Variants in SVIL observed in about 807,000 individuals in gnomAD.
The protein encoded by SVIL is supervillin.
Under a neutral mutation model 240.4 loss-of-function variants are expected in SVIL, and 101 were observed. That is an observed-to-expected ratio of 0.42 (90% CI 0.36 to 0.50). The LOEUF (loss-of-function observed/expected upper bound fraction) is 0.50, where lower values mean the gene tolerates loss of function less well. Ranked by LOEUF, SVIL falls within the 20% of genes least tolerant of loss-of-function variation. SVIL has a pLI of 0.01. For missense variants in SVIL, 2,512 were observed against 2,818.7 expected (o/e 0.89, Z 2.46); for synonymous variants, 999 against 1,100.0 (o/e 0.91, Z 1.82).
intron 1 of SVIL, among the ~76,000 whole-genome samples, chr10:29,714,395 G>A (rs932891780): frequency 6.6e-6 from 1 of 152,186 alleles, no homozygotes; most frequent in African/African-American, 2.4e-5. Context: ...GAGGTGAACT[G>A]ATTGGACACA....
chr10:29,533,886 A>G (rs1406479548), intron 7 of SVIL, among the ~76,000 whole-genome samples: 1 of 152,238 alleles, frequency 6.6e-6, no homozygotes, highest in Admixed American at 6.5e-5. Flanking sequence ...CCTGGCATAC[A>G]GACACCTATT....
At position 29,554,897 on chromosome 10, in the gene SVIL, T is replaced by C; in HGVS notation, c.46A>G (p.Asn16Asp). The C allele has an allele frequency of 6.2e-7, 1 of 1,613,436 alleles. No homozygotes were observed. The highest frequency in any genetic ancestry group is 8.5e-7 in the Non-Finnish European group (1 of 1,179,760). The change falls in exon 5 of 38, where the codon AAT (asparagine) becomes GAT (aspartate). Residue 16 changes from asparagine (N) to aspartate (D), a missense_variant. By Grantham distance (23) the Asn-to-Asp change is conservative. Around this residue, in one of 3 missense-constraint regions of SVIL, gnomAD observed 1,443 missense variants for 1,486.6 expected, o/e 0.97. Coordinates refer to ENST00000355867, the MANE Select transcript of SVIL (RefSeq NM_021738.3). Reference protein sequence around the residue: ...RIARRLEGIENDTQPILLQSC... With the variant: ...RIARRLEGIEDDTQPILLQSC... Reference sequence around the variant, plus strand: ...TGCAAGAGGATGGGCTGAGTGTCATTTTCAATCCCTTCCAGGCGCCTGGCA... The same window carrying C: ...TGCAAGAGGATGGGCTGAGTGTCATCTTCAATCCCTTCCAGGCGCCTGGCA...
chr10:29,660,867 G>A (rs1351564467), intron 2 of SVIL, among the ~76,000 whole-genome samples: 1 of 152,004 alleles, frequency 6.6e-6, no homozygotes, highest in Non-Finnish European at 1.5e-5. Context: ...CAAAGAAGGA[G>A]TTTAAAAAGC....
intron 23 of SVIL, among the ~76,000 whole-genome samples, chr10:29,488,324 G>A (rs1381717047): frequency 2.6e-5 from 4 of 151,992 alleles, no homozygotes; most frequent in Non-Finnish European, 5.9e-5. Flanking sequence ...GGAGTGGGGG[G>A]ACCTGGGTTC....
intron 5 of SVIL, among the ~76,000 whole-genome samples, 192 bp downstream of exon 5, chr10:29,554,591 G>T (rs553271230): frequency 6.6e-6 from 1 of 152,270 alleles, no homozygotes; most frequent in Admixed American, 6.5e-5. Context: ...AGGAGTTAAG[G>T]CTGCAGCGAG....
chr10:29,722,246 A>C (rs1056093695), intron 1 of SVIL, among the ~76,000 whole-genome samples: 1 of 151,540 alleles, frequency 6.6e-6, no homozygotes, highest in Non-Finnish European at 1.5e-5. Context: ...AAAAGAAAGA[A>C]AGAAAAGAAA....
At chr10:29,727,740 CAAAAAAA>C (rs10607348) in intron 1 of SVIL, among the ~76,000 whole-genome samples, 1 of 129,878 alleles carries the variant, frequency 7.7e-6, no homozygotes, top group African/African-American at 3.0e-5. Flanking sequence ...GTCGTGAACA[CAAAAAAA>C]AAAAAAAAAG....
chr10:29,500,161 G>C (rs978276246), intron 17 of SVIL, among the ~76,000 whole-genome samples: 2 of 152,102 alleles, frequency 1.3e-5, no homozygotes. Flanking sequence ...TGGAAGCAGA[G>C]GACAGGGCTC....
chr10:29,584,262 G>T (rs563885061), intron 1 of SVIL, among the ~76,000 whole-genome samples: 3 of 152,320 alleles, frequency 2.0e-5, no homozygotes, highest in African/African-American at 4.8e-5. Flanking sequence ...TGGTAAATGC[G>T]CCTGACAGCA....
chr10:29,518,361 G>C (rs6481612), intron 16 of SVIL, among the ~76,000 whole-genome samples: 70,789 of 151,834 alleles, frequency 0.47, 17,682 homozygotes, highest in African/African-American at 0.64. Flanking sequence ...GCACTCCAGC[G>C]TGGGCTACAG....
intron 1 of SVIL, among the ~76,000 whole-genome samples, chr10:29,622,915 G>A (rs1957719831): frequency 6.6e-6 from 1 of 152,162 alleles, no homozygotes. Context: ...TGCTGAGATT[G>A]CACAGCATGG....
chr10:29,638,289 C>T (rs1486830584), upstream of SVIL, among the ~76,000 whole-genome samples: 1 of 151,942 alleles, frequency 6.6e-6, no homozygotes, highest in Non-Finnish European at 1.5e-5. Flanking sequence ...TGGTGAAACC[C>T]TGTCTCTACT....
At chr10:29,516,362 A>G (rs928851750) in intron 16 of SVIL, among the ~76,000 whole-genome samples, 5 of 152,212 alleles carry the variant, frequency 3.3e-5, no homozygotes, top group African/African-American at 1.2e-4. Flanking sequence ...TACGGAGCAC[A>G]TGACGAATAA....
At chr10:29,613,430 T>C (rs2132881916) in intron 1 of SVIL, among the ~76,000 whole-genome samples, 1 of 152,250 alleles carries the variant, frequency 6.6e-6, no homozygotes, top group African/African-American at 2.4e-5. Flanking sequence ...ACTCCTGGGC[T>C]CAAGCAATGC....
chr10:29,493,377 C>T lies in SVIL; in HGVS notation c.3856G>A (p.Glu1286Lys), dbSNP rs145704372. 1.3e-4 allele frequency: 206 copies of T among 1,614,104 alleles called. No individual in the cohort carries two copies. In the Admixed American group the frequency reaches 2.0e-3, roughly 16 times the overall value. Reference sequence around the variant, plus strand: ...TTGCCGGTGACAGTGAGCACCGTTTCGTGCATCCCGCCAACTATCAACAAA... The same window carrying T: ...TTGCCGGTGACAGTGAGCACCGTTTTGTGCATCCCGCCAACTATCAACAAA... ...RLNNKVGGMH[E>K]TVLTVTGKSV... The change falls in exon 21 of 38, where the codon GAA becomes AAA. Residue 1286 changes from glutamate (E) to lysine (K), a missense_variant. By Grantham distance (56) the Glu-to-Lys change is moderately conservative. This residue lies in a region of SVIL where 272 missense variants were observed against 406.8 expected (regional missense o/e 0.67). Coordinates refer to ENST00000355867, the MANE Select transcript of SVIL (RefSeq NM_021738.3).
chr10:29,665,795 A>G (rs988691561), intron 2 of SVIL, among the ~76,000 whole-genome samples: 1 of 151,436 alleles, frequency 6.6e-6, no homozygotes. Context: ...CTCCATCTCA[A>G]AAACAAACAA....
chr10:29,671,246 T>C (rs770705245), intron 2 of SVIL: 13 of 152,184 alleles, frequency 8.5e-5, no homozygotes, highest in Admixed American at 2.0e-4. Context: ...CACCCTTCCA[T>C]TATCAGCCAA....
At chr10:29,522,697 C>T (rs745390613) in intron 15 of SVIL, 62 bp from the exon 16 acceptor site, 18 of 1,544,254 alleles carry the variant, frequency 1.2e-5, no homozygotes, top group Non-Finnish European at 1.6e-5. Context: ...TCCAGCGATT[C>T]GCCCTCAACA....
At chr10:29,642,308 C>G (rs576518048) in intron 3 of SVIL, among the ~76,000 whole-genome samples, 1 of 151,964 alleles carries the variant, frequency 6.6e-6, no homozygotes, top group East Asian at 1.9e-4. Flanking sequence ...CTGAGAAGCG[C>G]TTGAACCTGG....
Sources: allele counts gnomAD v4.1 joint callset (sites outside exome capture counted in the v4.1 genomes callset), GRCh38; gene constraint gnomAD v4.1.1; regional missense constraint gnomAD v4.1.1; transcripts MANE v1.5; gene names NCBI Gene and HGNC (gene_info 2026-07-23, HGNC 2026-07-21).